RAD51: variants seen among roughly 807,000 people sequenced by gnomAD.
RAD51 encodes the protein RAD51 recombinase, also known as DNA repair protein RAD51 homolog 1.
Under a neutral mutation model 41.5 loss-of-function variants are expected in RAD51, and 14 were observed. The ratio of observed to expected loss-of-function variants is 0.34; its 90% CI spans 0.22 to 0.53. RAD51 has a LOEUF of 0.53. Ranked by LOEUF, RAD51 falls within the 20% of genes least tolerant of loss-of-function variation. The pLI, the probability that RAD51 is intolerant of heterozygous loss-of-function variation, is 0.95. For synonymous variants in RAD51, 136 were observed against 148.6 expected (o/e 0.92, Z 0.62); for missense variants, 234 against 422.0 (o/e 0.55, Z 3.90).
In RAD51 at chr15:40,729,557, T is replaced by A. The variant is rs757387198; in HGVS notation, c.697T>A (p.Ser233Thr). ...CACCGCCCTTTACAGAACAGACTAC[T>A]CGGGTCGAGGTGAGCTTTCAGCCAG... ...SATALYRTDY[S>T]GRGELSARQM... The change falls in exon 8 of 10, where the codon TCG becomes ACG. Residue 233 changes from serine to threonine, a missense_variant. By Grantham distance (58) the Ser-to-Thr change is moderately conservative. Transcript: ENST00000267868. 1.2e-6 allele frequency: 2 copies of A among 1,614,010 alleles called. No individual in the cohort carries two copies.
intron 1 of RAD51, among the ~76,000 whole-genome samples, chr15:40,698,139 G>T (rs1462523194): frequency 1.3e-5 from 2 of 150,940 alleles, no homozygotes; most frequent in East Asian, 3.9e-4. Context: ...ATTCTCCTCA[G>T]TCTCTGGTTA....
chr15:40,704,681 T>G (rs2141827421), intron 3 of RAD51, among the ~76,000 whole-genome samples: 1 of 150,500 alleles, frequency 6.6e-6, no homozygotes, highest in Non-Finnish European at 1.5e-5. Flanking sequence ...TTTTTTTTTT[T>G]TTTTTTGAGA....
chr15:40,730,507 A>G (rs1896813227), intron 9 of RAD51, among the ~76,000 whole-genome samples: 1 of 107,128 alleles, frequency 9.3e-6, no homozygotes, highest in Non-Finnish European at 2.1e-5. Context: ...ACTGTCTTGA[A>G]AAAATTTTTT....
chr15:40,729,789 G>A, intron 8 of RAD51, 64 bp from the exon 9 acceptor site: 4 of 1,612,904 alleles, frequency 2.5e-6, no homozygotes, highest in Non-Finnish European at 3.4e-6. Context: ...GGAAAGTGGT[G>A]GCAGCATTAA....
At position 40,695,217 on chromosome 15, in the gene RAD51, C is replaced by G. The variant is rs1182148626; in HGVS notation, c.-211C>G. 2 of 152,192 alleles carry G rather than the reference C, an allele frequency of 1.3e-5. No homozygotes were observed. The highest frequency in any genetic ancestry group is 6.5e-5 in the Admixed American group (1 of 15,280). 9.4% of individuals were successfully genotyped at this position (152,192 alleles called of 1,614,324 possible). A position where few individuals can be genotyped will look rare whatever the true frequency, so the allele number is the denominator to read the frequency against. Reference sequence around the variant, plus strand: ...CGGACCGCGCGCAGCGGCCAGAGACCGAGCCCTAAGGAGAGTGCGGCGCTT... The same window carrying G: ...CGGACCGCGCGCAGCGGCCAGAGACGGAGCCCTAAGGAGAGTGCGGCGCTT... On this transcript the variant is annotated 5_prime_UTR_variant, in exon 1 of 10. Coordinates refer to ENST00000267868, the MANE Select transcript of RAD51 (RefSeq NM_002875.5).
chr15:40,709,459 C>T (rs1895554773), intron 5 of RAD51, among the ~76,000 whole-genome samples: 1 of 150,484 alleles, frequency 6.6e-6, no homozygotes, highest in African/African-American at 2.5e-5. Flanking sequence ...TCACTGCAAC[C>T]TCCTCTCTGG....
At chr15:40,718,245 C>T (rs1212395002) in intron 5 of RAD51, among the ~76,000 whole-genome samples, 2 of 149,306 alleles carry the variant, frequency 1.3e-5, no homozygotes. Context: ...AGGCCAGGTG[C>T]AGTGGCTCGT....
chr15:40,718,283 C>G (rs1001195286), intron 5 of RAD51, among the ~76,000 whole-genome samples: 1 of 151,924 alleles, frequency 6.6e-6, no homozygotes, highest in African/African-American at 2.4e-5. Context: ...TTTGGGAGGC[C>G]AAGGCAGGCA....
chr15:40,728,908 T>C, intron 7 of RAD51, 84 bp downstream of exon 7: 1 of 1,149,356 alleles, frequency 8.7e-7, no homozygotes, highest in Non-Finnish European at 1.3e-6. Flanking sequence ...AGATTGATAG[T>C]AGTTTGAATT....
At chr15:40,695,897 T>TG (rs1270460450) in intron 1 of RAD51, 1 of 152,198 alleles carries the variant, frequency 6.6e-6, no homozygotes, top group Non-Finnish European at 1.5e-5. Context: ...TTTTTTGAGA[T>TG]GGAGTCTCGC....
chr15:40,728,574 A>G, intron 6 of RAD51, 137 bp from the exon 7 acceptor site: 1 of 798,892 alleles, frequency 1.3e-6, no homozygotes, highest in Non-Finnish European at 2.2e-6. Flanking sequence ...TAGAAAGGGA[A>G]ATACATTCTT....
chr15:40,696,235 G>A (rs750493445), intron 1 of RAD51, among the ~76,000 whole-genome samples: 8 of 152,028 alleles, frequency 5.3e-5, no homozygotes, highest in Non-Finnish European at 1.0e-4. Flanking sequence ...TAATATACAT[G>A]TAGAAAAATT....
intron 3 of RAD51, among the ~76,000 whole-genome samples, chr15:40,705,638 T>C (rs1298404756): frequency 1.3e-5 from 2 of 152,226 alleles, no homozygotes; most frequent in African/African-American, 4.8e-5. Context: ...AGAGTCTCGC[T>C]CTGTCCCCCA....
intron 5 of RAD51, among the ~76,000 whole-genome samples, chr15:40,709,318 AC>A (rs1895542907): frequency 6.6e-6 from 1 of 151,752 alleles, no homozygotes; most frequent in Non-Finnish European, 1.5e-5. Flanking sequence ...CCTATCAGAT[AC>A]GTTAATTTCA....
chr15:40,698,229 A>G (rs1266200732), intron 1 of RAD51, among the ~76,000 whole-genome samples: 2 of 147,780 alleles, frequency 1.4e-5, no homozygotes, highest in South Asian at 2.1e-4. Context: ...TCACTCTGTC[A>G]TGAGGCTGGA....
chr15:40,708,972 C>A, intron 4 of RAD51, 53 bp from the exon 5 acceptor site: 1 of 1,415,262 alleles, frequency 7.1e-7, no homozygotes, highest in Non-Finnish European at 1.0e-6. Flanking sequence ...TCTATGACTA[C>A]AGTTTCTACA....
At chr15:40,714,756 A>G (rs1215062258) in intron 5 of RAD51, among the ~76,000 whole-genome samples, 2 of 152,248 alleles carry the variant, frequency 1.3e-5, no homozygotes, top group Non-Finnish European at 2.9e-5. Flanking sequence ...TTGTTTTCTC[A>G]ATTTAATGAA....
chr15:40,704,708 C>T (rs1436930279), intron 3 of RAD51, among the ~76,000 whole-genome samples: 1 of 141,096 alleles, frequency 7.1e-6, no homozygotes, highest in African/African-American at 2.7e-5. Flanking sequence ...CTCGCTGTGT[C>T]TCTCAGGCTG....
intron 3 of RAD51, among the ~76,000 whole-genome samples, chr15:40,705,022 C>CTGGT (rs1394269380): frequency 6.6e-6 from 1 of 151,914 alleles, no homozygotes; most frequent in Non-Finnish European, 1.5e-5. Flanking sequence ...GTTACTCAGG[C>CTGGT]TGGTCTCAAA....
Sources: allele counts gnomAD v4.1 joint callset (sites outside exome capture counted in the v4.1 genomes callset), GRCh38; gene constraint gnomAD v4.1.1; transcripts MANE v1.5; gene names NCBI Gene and HGNC (gene_info 2026-07-23, HGNC 2026-07-21).